Variants in TMEM132D observed in about 807,000 individuals in gnomAD.
The protein encoded by TMEM132D is mature OL transmembrane protein.
TMEM132D carries 21 observed loss-of-function variants against 62.3 expected under a neutral mutation model. The ratio of observed to expected loss-of-function variants is 0.34; its 90% CI spans 0.24 to 0.49. The LOEUF (loss-of-function observed/expected upper bound fraction) is 0.49, where lower values mean the gene tolerates loss of function less well. Ranked by LOEUF, TMEM132D falls within the 20% of genes least tolerant of loss-of-function variation. TMEM132D has a pLI of 0.99. For synonymous variants in TMEM132D, 621 were observed against 575.6 expected (o/e 1.08, Z -1.13); for missense variants, 1,346 against 1,402.8 (o/e 0.96, Z 0.65).
chr12:129,129,413 C>T (rs921615686), intron 5 of TMEM132D, among the ~76,000 whole-genome samples: 3 of 152,152 alleles, frequency 2.0e-5, no homozygotes, highest in Non-Finnish European at 4.4e-5. Flanking sequence ...GTTGGTTGAT[C>T]CCATGTCTGC....
At chr12:129,562,283 T>C (rs528415091) in intron 2 of TMEM132D, among the ~76,000 whole-genome samples, 2 of 152,190 alleles carry the variant, frequency 1.3e-5, no homozygotes, top group South Asian at 4.1e-4. Context: ...GATTATTCCA[T>C]AGTAGATTGT....
chr12:129,833,282 T>C (rs555593727), intron 1 of TMEM132D, among the ~76,000 whole-genome samples: 2 of 152,270 alleles, frequency 1.3e-5, no homozygotes, highest in East Asian at 3.9e-4. Context: ...CTTTCTGCCC[T>C]TGTAATTCCT....
intron 3 of TMEM132D, among the ~76,000 whole-genome samples, chr12:129,421,974 CA>C (rs1872337454): frequency 6.6e-6 from 1 of 151,980 alleles, no homozygotes; most frequent in Admixed American, 6.6e-5. Flanking sequence ...ATCGTTCCCC[CA>C]GATTCTTTCC....
intron 3 of TMEM132D, among the ~76,000 whole-genome samples, chr12:129,503,995 A>G (rs61945371): frequency 4.7e-5 from 3 of 64,064 alleles, no homozygotes; most frequent in East Asian, 9.1e-4. Flanking sequence ...CATCATCATT[A>G]TTGTCATCAT....
At chr12:129,456,578 G>C (rs1234772415) in intron 3 of TMEM132D, among the ~76,000 whole-genome samples, 1 of 152,148 alleles carries the variant, frequency 6.6e-6, no homozygotes, top group Non-Finnish European at 1.5e-5. Context: ...ACTGTTCTTT[G>C]TTCACAAAAT....
chr12:129,751,841 C>T (rs937863221), intron 1 of TMEM132D, among the ~76,000 whole-genome samples: 3 of 152,142 alleles, frequency 2.0e-5, no homozygotes, highest in Non-Finnish European at 2.9e-5. Flanking sequence ...TTCTAAATAG[C>T]GCTTTTGGAA....
At chr12:129,865,185 A>T (rs1039347006) in intron 1 of TMEM132D, among the ~76,000 whole-genome samples, 3 of 152,204 alleles carry the variant, frequency 2.0e-5, no homozygotes, top group African/African-American at 7.2e-5. Context: ...CATTGGTGAC[A>T]GTCTGCTGGC....
chr12:129,149,268 T>A (rs1475489850), intron 5 of TMEM132D, among the ~76,000 whole-genome samples: 1 of 151,900 alleles, frequency 6.6e-6, no homozygotes, highest in Non-Finnish European at 1.5e-5. Flanking sequence ...AGAACAAATA[T>A]GTAATGCATT....
intron 2 of TMEM132D, among the ~76,000 whole-genome samples, chr12:129,598,361 A>T (rs919007011): frequency 6.6e-6 from 1 of 152,172 alleles, no homozygotes; most frequent in African/African-American, 2.4e-5. Flanking sequence ...CACCAAGCTT[A>T]TCTCTGATGG....
chr12:129,340,518 TCATTGTTCAATTCC>T (rs1349793130), intron 3 of TMEM132D, among the ~76,000 whole-genome samples: 2 of 151,704 alleles, frequency 1.3e-5, no homozygotes, highest in Non-Finnish European at 2.9e-5. Flanking sequence ...CCATGTGTTC[TCATTGTTCAATTCC>T]CACCTATGAG....
intron 3 of TMEM132D, among the ~76,000 whole-genome samples, chr12:129,347,618 C>T (rs895191866): frequency 1.1e-4 from 16 of 152,236 alleles, no homozygotes; most frequent in Middle Eastern, 6.8e-3. Flanking sequence ...TAGAGGAAAA[C>T]GTAGGCAATA....
chr12:129,689,152 C>T (rs1881000350), intron 2 of TMEM132D, among the ~76,000 whole-genome samples: 1 of 151,946 alleles, frequency 6.6e-6, no homozygotes, highest in Non-Finnish European at 1.5e-5. Flanking sequence ...TCAAACCAAC[C>T]CTATTCAAAC....
intron 2 of TMEM132D, among the ~76,000 whole-genome samples, chr12:129,540,354 T>C (rs759297683): frequency 1.4e-4 from 22 of 152,310 alleles, no homozygotes; most frequent in Non-Finnish European, 2.6e-4. Context: ...CTGAAGTCAA[T>C]GTCCCCACCC....
intron 2 of TMEM132D, among the ~76,000 whole-genome samples, chr12:129,553,540 A>C (rs576331772): frequency 6.6e-6 from 1 of 152,314 alleles, no homozygotes; most frequent in East Asian, 1.9e-4. Flanking sequence ...GCTGGCAGGG[A>C]GAGGGAGCGT....
intron 1 of TMEM132D, among the ~76,000 whole-genome samples, chr12:129,744,565 T>C (rs1389549401): frequency 6.6e-6 from 1 of 152,208 alleles, no homozygotes; most frequent in East Asian, 1.9e-4. Context: ...TCCAGGCTTC[T>C]AGCAGATACA....
intron 4 of TMEM132D, among the ~76,000 whole-genome samples, chr12:129,326,762 A>G (rs1868926610): frequency 6.6e-6 from 1 of 152,230 alleles, no homozygotes; most frequent in Admixed American, 6.5e-5. Context: ...AGTAGCACTT[A>G]CTTTACTGTC....
intron 1 of TMEM132D, among the ~76,000 whole-genome samples, chr12:129,790,231 A>G (rs1015729343): frequency 6.6e-6 from 1 of 152,118 alleles, no homozygotes; most frequent in Admixed American, 6.5e-5. Flanking sequence ...CCCCAGTAGG[A>G]GTGTTACAGC....
chr12:129,246,301 C>T (rs12303161), intron 4 of TMEM132D, among the ~76,000 whole-genome samples: 8,203 of 152,116 alleles, frequency 0.054, 346 homozygotes, highest in East Asian at 0.22. Flanking sequence ...GGAGTGTCCA[C>T]GAGAAGAGAA....
chr12:129,882,094 G>A (rs963714777), intron 1 of TMEM132D, among the ~76,000 whole-genome samples: 1 of 151,884 alleles, frequency 6.6e-6, no homozygotes, highest in African/African-American at 2.4e-5. Flanking sequence ...TAGATAATTT[G>A]AATAATCCTG....
Sources: allele counts gnomAD v4.1 joint callset (sites outside exome capture counted in the v4.1 genomes callset), GRCh38; gene constraint gnomAD v4.1.1; transcripts MANE v1.5; gene names NCBI Gene and HGNC (gene_info 2026-07-23, HGNC 2026-07-21).